VPS45: variants seen among roughly 807,000 people sequenced by gnomAD.
The protein encoded by VPS45 is vacuolar protein sorting-associated protein 45.
In VPS45, 35 loss-of-function variants were observed where a neutral mutation model predicts 75.9. That is an observed-to-expected ratio of 0.46 (90% CI 0.35 to 0.61). The LOEUF (loss-of-function observed/expected upper bound fraction) is 0.61, where lower values mean the gene tolerates loss of function less well. Among genes scored for constraint, VPS45 ranks in the 20% least tolerant of loss-of-function variants. VPS45 has a pLI of 0.00. For synonymous variants in VPS45, 220 were observed against 238.2 expected, an observed-to-expected ratio of 0.92 and a Z score of 0.70; for missense variants, 559 against 685.9, an observed-to-expected ratio of 0.81 and a Z score of 2.07.
chr1:150,128,695 G>C (rs7526867), intron 14 of VPS45, among the ~76,000 whole-genome samples: 5,925 of 151,892 alleles, frequency 0.039, 395 homozygotes, highest in African/African-American at 0.13. Context: ...TCTTCACTAC[G>C]GACGTTTCAG....
chr1:150,083,061 T>A (rs1655805605), intron 10 of VPS45, 178 bp downstream of exon 10: 18 of 648,036 alleles, frequency 2.8e-5, no homozygotes, highest in Non-Finnish European at 3.4e-5. Context: ...ACAAGAGAAG[T>A]GTAATGTGCA....
At chr1:150,121,915 C>T (rs1027404361) in intron 14 of VPS45, among the ~76,000 whole-genome samples, 9 of 151,892 alleles carry the variant, frequency 5.9e-5, no homozygotes, top group Non-Finnish European at 1.2e-4. Flanking sequence ...GTAATAGATG[C>T]AGTGGGGGGG....
chr1:150,084,536 C>T (rs1655901324), intron 10 of VPS45, among the ~76,000 whole-genome samples: 1 of 152,124 alleles, frequency 6.6e-6, no homozygotes, highest in African/African-American at 2.4e-5. Context: ...TATGATGTCA[C>T]TGACAAGTAA....
At chr1:150,069,960 C>T (rs910299260) in intron 2 of VPS45, among the ~76,000 whole-genome samples, 33 of 152,076 alleles carry the variant, frequency 2.2e-4, no homozygotes, top group African/African-American at 8.0e-4. Context: ...TACCATTTCT[C>T]CAGCCTCATT....
chr1:150,111,674 A>G (rs1190550169), intron 14 of VPS45, among the ~76,000 whole-genome samples: 4 of 152,058 alleles, frequency 2.6e-5, no homozygotes, highest in African/African-American at 9.7e-5. Flanking sequence ...GTATTTGTAT[A>G]CTTTTTAATT....
chr1:150,133,030 C>T (rs1467231506), intron 14 of VPS45, among the ~76,000 whole-genome samples: 2 of 152,178 alleles, frequency 1.3e-5, no homozygotes, highest in Non-Finnish European at 2.9e-5. Flanking sequence ...ATCACCCTTA[C>T]TTCCAAATAA....
At chr1:150,135,891 A>G (rs1277257120) in intron 14 of VPS45, among the ~76,000 whole-genome samples, 2 of 149,212 alleles carry the variant, frequency 1.3e-5, no homozygotes, top group African/African-American at 4.9e-5. Flanking sequence ...TGCCTGCCTC[A>G]GCCTCCCAAA....
chr1:150,125,005 A>G (rs1302515165), intron 14 of VPS45, among the ~76,000 whole-genome samples: 2 of 151,850 alleles, frequency 1.3e-5, no homozygotes, highest in Admixed American at 6.6e-5. Context: ...TAATGGCTAT[A>G]TAATTTTATT....
chr1:150,126,327 C>T (rs917730703), intron 14 of VPS45, among the ~76,000 whole-genome samples: 6 of 152,122 alleles, frequency 3.9e-5, no homozygotes, highest in African/African-American at 1.4e-4. Flanking sequence ...TGTCCTGCCT[C>T]AGCCTCCCAA....
At chr1:150,096,182 T>C (rs587676137) in intron 13 of VPS45, among the ~76,000 whole-genome samples, 1 of 152,042 alleles carries the variant, frequency 6.6e-6, no homozygotes, top group Non-Finnish European at 1.5e-5. Flanking sequence ...ATATTGAGAG[T>C]TGACAAAAAC....
chr1:150,144,524 T>C (rs968302219), intron 14 of VPS45, among the ~76,000 whole-genome samples, 185 bp from the exon 15 acceptor site: 8 of 151,968 alleles, frequency 5.3e-5, no homozygotes, highest in Non-Finnish European at 1.0e-4. Context: ...ACAGAAGGAC[T>C]GTCCTTGCAG....
In VPS45 at chr1:150,093,611, C is replaced by T; in HGVS notation, c.1456C>T (p.Leu486=). The change falls in exon 13 of 15, where the codon CTA becomes TTA. Residue 486 remains leucine (L), a synonymous_variant. Coordinates refer to ENST00000644510, the MANE Select transcript of VPS45 (RefSeq NM_007259.5). The stretch of plus-strand genomic sequence containing the variant: ...CATCAAAGGAAGGCTTAAGGAAAAC[C>T]TATATCCTTATTTAGGCCCCAGCAC... ...HLIKGRLKEN[L]YPYLGPSTLR... 1 of 1,613,812 alleles carries T rather than the reference C, an allele frequency of 6.2e-7. No individual in the cohort carries two copies. The highest frequency in any genetic ancestry group is 8.5e-7 in the Non-Finnish European group (1 of 1,179,872).
intron 14 of VPS45, among the ~76,000 whole-genome samples, chr1:150,134,918 A>T (rs1255821690): frequency 6.6e-6 from 1 of 152,222 alleles, no homozygotes; most frequent in Non-Finnish European, 1.5e-5. Flanking sequence ...GTTTGGGAGC[A>T]TTAAGGAGTA....
At chr1:150,142,333 C>A (rs1559951373) in intron 14 of VPS45, among the ~76,000 whole-genome samples, 2 of 151,004 alleles carry the variant, frequency 1.3e-5, no homozygotes, top group Admixed American at 6.6e-5. Flanking sequence ...TGTTATTGTT[C>A]AAAAAAAAAT....
chr1:150,125,638 T>TG (rs1472623381), intron 14 of VPS45, among the ~76,000 whole-genome samples: 1 of 35,996 alleles, frequency 2.8e-5, no homozygotes, highest in Admixed American at 3.6e-4. Context: ...CATCACACAC[T>TG]GGGGGGAGGG....
Position 150,110,486 on chromosome 1 carries a change from A to T in VPS45, c.1494-10A>T. On this transcript the variant is annotated splice_polypyrimidine_tract_variant and intron_variant, in intron 13 of 14. Transcript: ENST00000644510. Reference sequence around the variant, plus strand: ...ATCCTGTGATAATATCTCATTCTTCATTATTGCAGACCTCAGGATATCATT... The same window carrying T: ...ATCCTGTGATAATATCTCATTCTTCTTTATTGCAGACCTCAGGATATCATT... 1.9e-6 allele frequency: 3 copies of T among 1,604,822 alleles called. No homozygotes were observed. Among genetic ancestry groups the T allele is most frequent in the Non-Finnish European group, 2.6e-6 (3 of 1,174,810 alleles).
chr1:150,141,673 A>G (rs587755771), intron 14 of VPS45, among the ~76,000 whole-genome samples: 2 of 152,144 alleles, frequency 1.3e-5, no homozygotes, highest in Non-Finnish European at 2.9e-5. Flanking sequence ...GACAGCACAA[A>G]CTAAAAAAAG....
Position 150,145,116 on chromosome 1 carries a change from TC to T in VPS45, c.*321del, listed in dbSNP as rs1659607434. On this transcript the variant is annotated 3_prime_UTR_variant, in exon 15 of 15. Coordinates refer to ENST00000644510, the MANE Select transcript of VPS45 (RefSeq NM_007259.5). ...GAGCCTAGAGGGGCTTAAAAAGTAA[TC>T]ATTTGATGTACATACCACACTCCTT... 5.2e-6 allele frequency: 3 copies of T among 577,418 alleles called. No individual in the cohort carries two copies. Among genetic ancestry groups the T allele is most frequent in the Non-Finnish European group, 9.1e-6 (3 of 328,498 alleles). 35.8% of individuals were successfully genotyped at this position (577,418 alleles called of 1,614,324 possible).
chr1:150,131,365 T>C (rs1162677913), intron 14 of VPS45, among the ~76,000 whole-genome samples: 1 of 151,838 alleles, frequency 6.6e-6, no homozygotes, highest in Non-Finnish European at 1.5e-5. Flanking sequence ...AAAAATTAGC[T>C]GGGTGTGGTG....
Sources: gnomAD v4.1 joint callset for allele counts (sites outside exome capture counted in the v4.1 genomes callset) on GRCh38, gnomAD v4.1.1 for gene constraint, MANE v1.5 for transcripts, NCBI Gene and HGNC (gene_info 2026-07-23, HGNC 2026-07-21) for gene names.